The following PRKAG2 variants were observed in gnomAD, a reference collection of about 807,000 sequenced individuals.
The protein encoded by PRKAG2 is protein kinase AMP-activated non-catalytic subunit gamma 2.
PRKAG2 carries 26 observed loss-of-function variants against 69.6 expected under a neutral mutation model. That is an observed-to-expected ratio of 0.37 (90% CI 0.27 to 0.52). PRKAG2 has a LOEUF of 0.52. Ranked by LOEUF, PRKAG2 falls within the 20% of genes least tolerant of loss-of-function variation. The pLI, the probability that PRKAG2 is intolerant of heterozygous loss-of-function variation, is 0.90. For synonymous variants in PRKAG2, 293 were observed against 285.0 expected, an observed-to-expected ratio of 1.03 and a Z score of -0.28; for missense variants, 557 against 740.0, an observed-to-expected ratio of 0.75 and a Z score of 2.87.
intron 5 of PRKAG2, among the ~76,000 whole-genome samples, chr7:151,604,354 T>G (rs59262765): frequency 0.045 from 6,828 of 152,178 alleles, 495 homozygotes; most frequent in African/African-American, 0.16. Context: ...ATAATGAATG[T>G]GTCTAGGTAC....
At chr7:151,773,035 G>A (rs913856579) in intron 3 of PRKAG2, among the ~76,000 whole-genome samples, 7,547 of 32,500 alleles carry the variant, frequency 0.23, 1,289 homozygotes, top group East Asian at 0.74. Flanking sequence ...GAGAGAGAGA[G>A]AGAGAGAGAG....
At chr7:151,651,170 G>A (rs1210405303) in intron 4 of PRKAG2, among the ~76,000 whole-genome samples, 6 of 152,174 alleles carry the variant, frequency 3.9e-5, no homozygotes, top group South Asian at 2.1e-4. Flanking sequence ...GAGATTAGTG[G>A]TGTTATTAAG....
At chr7:151,746,458 T>A (rs1255734529) in intron 3 of PRKAG2, among the ~76,000 whole-genome samples, 5 of 152,270 alleles carry the variant, frequency 3.3e-5, no homozygotes, top group Admixed American at 6.5e-5. Context: ...ATTTAGTTTA[T>A]TCTTCCACAT....
At position 151,835,979 on chromosome 7, in the gene PRKAG2, C is replaced by T. The variant is rs1186813854; in HGVS notation, c.114+40528G>A. Among the ~76,000 whole-genome samples the T allele has an allele frequency of 1.3e-5, 2 of 152,208 alleles. No homozygotes were observed. Among genetic ancestry groups the T allele is most frequent in the Admixed American group, 6.5e-5 (1 of 15,280 alleles). ...GGGCATTGATTGCTCCATGGACCAG[C>T]GTGTCTGAGCTCCCTGTGAATGTAT... On this transcript the variant is annotated intron_variant, in intron 1 of 15. Coordinates refer to ENST00000287878, the MANE Select transcript of PRKAG2 (RefSeq NM_016203.4). This position sits in a 1 kb window ranked among gnomAD's most constrained non-coding sequence, Gnocchi z 4.1.
At position 151,632,564 on chromosome 7, in the gene PRKAG2, C is replaced by T; in HGVS notation, c.685-426G>A. 2.0e-6 allele frequency: 2 copies of T among 984,764 alleles called. No homozygotes were observed. Among genetic ancestry groups the T allele is most frequent in the Non-Finnish European group, 2.4e-6 (2 of 829,598 alleles). The allele number at this position is 984,764 out of a possible 1,614,324, so 61.0% of individuals were successfully genotyped here. On this transcript the variant is annotated intron_variant, in intron 4 of 15. Transcript: ENST00000287878. This position sits in a 1 kb window ranked among gnomAD's most constrained non-coding sequence, Gnocchi z 4.2. ...CCGCCCCCACTCCGCCCCCCGGCGC[C>T]GCTCACCTTCCCAGCACCGGCGGCC... is the stretch of plus-strand genomic sequence containing the variant.
Position 151,814,231 on chromosome 7 carries a change from G to C in PRKAG2, c.115-27690C>G, listed in dbSNP as rs557230207. Among the ~76,000 whole-genome samples, 28 of 152,330 alleles carry C rather than the reference G, an allele frequency of 1.8e-4. No homozygotes were observed. Among genetic ancestry groups the C allele is most frequent in the Admixed American group, 3.3e-4 (5 of 15,302 alleles). On this transcript the variant is annotated intron_variant, in intron 1 of 15. Coordinates refer to ENST00000287878, the MANE Select transcript of PRKAG2 (RefSeq NM_016203.4). This position sits in a 1 kb window ranked among gnomAD's most constrained non-coding sequence, Gnocchi z 4.8. ...GGAGAAAACATACAGCTTCCGTGGA[G>C]AGAAGGAACATTTTGCTCAGCCTTG...
chr7:151,643,680 C>T (rs1362800558), intron 4 of PRKAG2, among the ~76,000 whole-genome samples: 5 of 152,192 alleles, frequency 3.3e-5, no homozygotes, highest in Admixed American at 3.3e-4. Flanking sequence ...TGTTACATAG[C>T]CACTTATGGT....
intron 3 of PRKAG2, among the ~76,000 whole-genome samples, chr7:151,695,189 A>T (rs1836402026): frequency 6.6e-6 from 1 of 152,236 alleles, no homozygotes; most frequent in Non-Finnish European, 1.5e-5. Flanking sequence ...AGCCCGGCAG[A>T]GTCTGATGAC....
chr7:151,832,266 A>AGGGAGGAG (rs1232932492), intron 1 of PRKAG2, among the ~76,000 whole-genome samples: 1 of 104,030 alleles, frequency 9.6e-6, no homozygotes, highest in African/African-American at 5.3e-5. Flanking sequence ...GAGGGAAGGA[A>AGGGAGGAG]GGGAGGAGGG....
At chr7:151,822,600 C>T (rs927798961) in intron 1 of PRKAG2, among the ~76,000 whole-genome samples, 1 of 152,170 alleles carries the variant, frequency 6.6e-6, no homozygotes, top group African/African-American at 2.4e-5. Flanking sequence ...CTGAGAGGAA[C>T]GGTGAGCCGG....
chr7:151,782,237 G>A (rs1488306788), intron 2 of PRKAG2, among the ~76,000 whole-genome samples: 1 of 151,460 alleles, frequency 6.6e-6, no homozygotes, highest in Admixed American at 6.6e-5. Context: ...GAGCCGAGAT[G>A]GCGCCATTGC....
chr7:151,676,026 C>T (rs992734657), intron 3 of PRKAG2, among the ~76,000 whole-genome samples: 2 of 152,098 alleles, frequency 1.3e-5, no homozygotes, highest in African/African-American at 4.8e-5. Flanking sequence ...CACACGGTCC[C>T]GAGTTATCTG....
At chr7:151,634,200 G>T (rs1825348106) in intron 4 of PRKAG2, among the ~76,000 whole-genome samples, 1 of 152,186 alleles carries the variant, frequency 6.6e-6, no homozygotes, top group South Asian at 2.1e-4. Flanking sequence ...CCCAGAAATA[G>T]ACCCATGCAA....
At chr7:151,558,316 C>G (rs1406525793) in intron 15 of PRKAG2, 2 of 985,338 alleles carry the variant, frequency 2.0e-6, no homozygotes, top group Admixed American at 6.1e-5. Flanking sequence ...ATCAAACTGC[C>G]TCTTACTGAC....
intron 5 of PRKAG2, among the ~76,000 whole-genome samples, chr7:151,630,908 TACAG>T (rs538249217): frequency 4.5e-4 from 68 of 152,378 alleles, no homozygotes; most frequent in Non-Finnish European, 6.0e-4. Context: ...TACCAATAAA[TACAG>T]ACAAACACTT....
intron 6 of PRKAG2, among the ~76,000 whole-genome samples, chr7:151,580,892 A>T (rs1328377554): frequency 6.6e-6 from 1 of 152,206 alleles, no homozygotes; most frequent in Non-Finnish European, 1.5e-5. Flanking sequence ...ATTTGATGGC[A>T]CAGCAGGGTG....
intron 1 of PRKAG2, among the ~76,000 whole-genome samples, chr7:151,859,537 G>A (rs977480817): frequency 1.3e-5 from 2 of 152,210 alleles, no homozygotes; most frequent in African/African-American, 4.8e-5. Flanking sequence ...TGGGATTAGC[G>A]AATAGGGAAG....
At chr7:151,875,566 T>G (rs1015291527) in intron 1 of PRKAG2, among the ~76,000 whole-genome samples, 56 of 36,876 alleles carry the variant, frequency 1.5e-3, no homozygotes, top group Admixed American at 7.5e-3. Flanking sequence ...CACTCTGGTG[T>G]GTGTGTGTGT....
At chr7:151,829,890 G>T (rs113371527) in intron 1 of PRKAG2, among the ~76,000 whole-genome samples, 4,286 of 151,948 alleles carry the variant, frequency 0.028, 144 homozygotes, top group African/African-American at 0.069. Context: ...CCCGTGTACA[G>T]CCTGCGCAGC....
Sources: gnomAD v4.1 joint callset for allele counts (sites outside exome capture counted in the v4.1 genomes callset) on GRCh38, gnomAD v4.1.1 for gene constraint, Gnocchi (gnomAD v3.1) non-coding constraint, MANE v1.5 for transcripts, NCBI Gene and HGNC (gene_info 2026-07-23, HGNC 2026-07-21) for gene names.